Variants in NFATC1 observed in about 807,000 individuals in gnomAD.
The protein encoded by NFATC1 is nuclear factor of activated T-cells, cytoplasmic 1.
A neutral mutation model predicts 76.0 loss-of-function variants in NFATC1; 22 were observed. The ratio of observed to expected loss-of-function variants is 0.29; its 90% CI spans 0.21 to 0.41. NFATC1 has a LOEUF of 0.41. NFATC1 is among the 10% of genes least tolerant of loss of function. The pLI, the probability that NFATC1 is intolerant of heterozygous loss-of-function variation, is 1.00. For missense variants in NFATC1, 1,357 were observed against 1,337.7 expected (o/e 1.01, Z -0.23); for synonymous variants, 704 against 613.1 (o/e 1.15, Z -2.19).
intron 9 of NFATC1, among the ~76,000 whole-genome samples, chr18:79,491,123 G>A (rs1346858893): frequency 6.6e-6 from 1 of 152,128 alleles, no homozygotes; most frequent in Non-Finnish European, 1.5e-5. Context: ...TAGGGTGAAT[G>A]TGGGTAGTCC....
chr18:79,489,909 C>A (rs771303121), intron 9 of NFATC1, among the ~76,000 whole-genome samples: 6 of 152,176 alleles, frequency 3.9e-5, no homozygotes, highest in African/African-American at 4.8e-5. Flanking sequence ...CTTCGGGGGT[C>A]GGGGTTGGGA....
chr18:79,485,107 T>G (rs769999107), intron 8 of NFATC1, among the ~76,000 whole-genome samples: 1 of 152,184 alleles, frequency 6.6e-6, no homozygotes, highest in Non-Finnish European at 1.5e-5. Context: ...ACCGGGAGCC[T>G]GTGTACTGGC....
chr18:79,461,675 C>A (rs114747460), intron 7 of NFATC1, among the ~76,000 whole-genome samples: 2 of 152,280 alleles, frequency 1.3e-5, no homozygotes, highest in African/African-American at 4.8e-5. Flanking sequence ...CAGGGAAGGT[C>A]GTCTCACACG....
At position 79,465,516 on chromosome 18, in the gene NFATC1, C is replaced by T. The variant is rs374104784; in HGVS notation, c.1960-1934C>T. The stretch of plus-strand genomic sequence containing the variant: ...CAGCCAGCCTGGCCCATGTGGTCCC[C>T]GCCTCCACCCATCCAGCCTGTCCCA... On this transcript the variant is annotated intron_variant, in intron 7 of 9. Coordinates refer to ENST00000427363, the MANE Select transcript of NFATC1 (RefSeq NM_001278669.2). This position sits in a 1 kb window ranked among gnomAD's most constrained non-coding sequence, Gnocchi z 4.2. Among the ~76,000 whole-genome samples the T allele has an allele frequency of 1.1e-3, 162 of 152,034 alleles. 1 individual carries two copies. Among genetic ancestry groups the T allele is most frequent in the African/African-American group, 2.3e-3 (97 of 41,466 alleles).
chr18:79,442,278 G>T (rs900096248), intron 3 of NFATC1, among the ~76,000 whole-genome samples: 1 of 152,244 alleles, frequency 6.6e-6, no homozygotes. Flanking sequence ...CACAGGTGTG[G>T]CCGGGCGGCC....
At chr18:79,502,455 T>C (rs1283383702) in intron 9 of NFATC1, among the ~76,000 whole-genome samples, 3 of 152,170 alleles carry the variant, frequency 2.0e-5, no homozygotes, top group African/African-American at 7.2e-5. Context: ...GCACAGCTCA[T>C]AAAATAAAAA....
chr18:79,455,643 G>A (rs572680757), intron 6 of NFATC1, among the ~76,000 whole-genome samples: 31 of 152,216 alleles, frequency 2.0e-4, no homozygotes, highest in Admixed American at 1.8e-3. Context: ...AGCCCCTCCC[G>A]GAGGCCCCCA....
At chr18:79,433,203 A>G (rs146976416) in intron 2 of NFATC1, among the ~76,000 whole-genome samples, 1,972 of 152,316 alleles carry the variant, frequency 0.013, 34 homozygotes, top group African/African-American at 0.044. Context: ...CAGCTGGTTC[A>G]TAGCGAGGAG....
chr18:79,509,372 T>A (rs2090191415), intron 9 of NFATC1, among the ~76,000 whole-genome samples: 2 of 152,052 alleles, frequency 1.3e-5, no homozygotes, highest in South Asian at 4.1e-4. Flanking sequence ...GCCCAGCCAC[T>A]CCCCCAGGTC....
intron 9 of NFATC1, among the ~76,000 whole-genome samples, chr18:79,519,891 C>T (rs960556671): frequency 2.0e-5 from 3 of 152,216 alleles, no homozygotes; most frequent in Non-Finnish European, 2.9e-5. Context: ...CAAGCACAGA[C>T]GTGCTCGCTG....
At chr18:79,413,566 C>T (rs575517110) in intron 2 of NFATC1, among the ~76,000 whole-genome samples, 31 of 152,322 alleles carry the variant, frequency 2.0e-4, no homozygotes, top group African/African-American at 7.5e-4. Flanking sequence ...TGAACTTGAT[C>T]GCTCTGTAAA....
At chr18:79,404,146 A>T (rs2085356730) in intron 1 of NFATC1, among the ~76,000 whole-genome samples, 1 of 152,234 alleles carries the variant, frequency 6.6e-6, no homozygotes, top group Non-Finnish European at 1.5e-5. Context: ...ATGCTTTAAA[A>T]TGATGTGTGC....
In NFATC1 at chr18:79,518,054, C is replaced by T. The variant is rs979827610; in HGVS notation, c.2783-9474C>T. On this transcript the variant is annotated intron_variant, in intron 9 of 9. Coordinates refer to ENST00000427363, the MANE Select transcript of NFATC1 (RefSeq NM_001278669.2). ...CTGCCTCTCCCGGCTCTTCACTGCA[C>T]GCAGCCTGAGGGCGTCGTTGTCTGT... Among the ~76,000 whole-genome samples the T allele has an allele frequency of 3.3e-5, 5 of 152,216 alleles. No individual in the cohort carries two copies. The East Asian group carries it at 5.8e-4, about 18-fold the overall frequency.
chr18:79,451,355 A>G (rs566559779), intron 5 of NFATC1, among the ~76,000 whole-genome samples: 7 of 152,376 alleles, frequency 4.6e-5, no homozygotes, highest in African/African-American at 1.7e-4. Context: ...GAGCATGGCC[A>G]GGGAAAGCGG....
intron 2 of NFATC1, among the ~76,000 whole-genome samples, chr18:79,426,520 TG>T (rs2086340964): frequency 6.6e-6 from 1 of 152,218 alleles, no homozygotes; most frequent in Non-Finnish European, 1.5e-5. Flanking sequence ...TCGCAGGGCC[TG>T]GCAGGTGTTT....
intron 2 of NFATC1, 128 bp from the exon 3 acceptor site, chr18:79,433,451 C>G (rs751612703): frequency 1.9e-5 from 21 of 1,111,776 alleles, no homozygotes; most frequent in Non-Finnish European, 2.4e-5. Context: ...GCTTCTCCAT[C>G]TCCATGTCAG....
At chr18:79,486,091 C>T (rs1418517208) in intron 8 of NFATC1, among the ~76,000 whole-genome samples, 157 bp from the exon 9 acceptor site, 11 of 144,332 alleles carry the variant, frequency 7.6e-5, no homozygotes, top group African/African-American at 2.2e-4. Flanking sequence ...CGATGACTCA[C>T]GCCTTTTTTT....
At chr18:79,456,112 C>A (rs2087711986) in intron 6 of NFATC1, among the ~76,000 whole-genome samples, 2 of 152,340 alleles carry the variant, frequency 1.3e-5, no homozygotes, top group South Asian at 4.1e-4. Flanking sequence ...TTGGGAGGCT[C>A]CACCCAGCAG....
At chr18:79,475,985 G>A (rs1303946597) in intron 8 of NFATC1, among the ~76,000 whole-genome samples, 2 of 152,224 alleles carry the variant, frequency 1.3e-5, no homozygotes, top group Non-Finnish European at 1.5e-5. Flanking sequence ...TCCGACGGGC[G>A]CACCTGGGGC....
Sources: gnomAD v4.1 joint callset for allele counts (sites outside exome capture counted in the v4.1 genomes callset) on GRCh38, gnomAD v4.1.1 for gene constraint, Gnocchi (gnomAD v3.1) non-coding constraint, MANE v1.5 for transcripts, NCBI Gene and HGNC (gene_info 2026-07-23, HGNC 2026-07-21) for gene names.